The following BMPER variants were observed in gnomAD, a reference collection of about 807,000 sequenced individuals.
BMPER encodes the protein BMP binding endothelial regulator, also known as BMP-binding endothelial regulator protein.
In BMPER, 45 loss-of-function variants were observed where a neutral mutation model predicts 87.3. The observed-to-expected ratio is 0.52, with a 90% CI of 0.41 to 0.66. BMPER has a LOEUF of 0.66. Ranked by LOEUF, BMPER falls within the 30% of genes least tolerant of loss-of-function variation. The probability of loss-of-function intolerance (pLI) is 0.00; values close to 1 mark genes in which losing one functional copy is unlikely to be tolerated. For synonymous variants in BMPER, 326 were observed against 316.2 expected, an observed-to-expected ratio of 1.03 and a Z score of -0.33; for missense variants, 784 against 867.5, an observed-to-expected ratio of 0.90 and a Z score of 1.21.
intron 3 of BMPER, among the ~76,000 whole-genome samples, chr7:33,964,494 C>T (rs529819222): frequency 6.6e-6 from 1 of 152,314 alleles, no homozygotes; most frequent in African/African-American, 2.4e-5. Flanking sequence ...TATTATTGTC[C>T]AATCTTTCTT....
At chr7:34,138,532 A>T (rs1479193327) in intron 13 of BMPER, among the ~76,000 whole-genome samples, 1 of 152,188 alleles carries the variant, frequency 6.6e-6, no homozygotes, top group Non-Finnish European at 1.5e-5. Flanking sequence ...CACACAGAAC[A>T]AGAGTCCTAC....
rs563836750 is a variant in BMPER, at chr7:34,120,420, T to C, written c.1746-22810T>C. 5.7e-4 allele frequency among the ~76,000 whole-genome samples: 86 copies of C among 151,488 alleles called. 2 individuals carry two copies. In the Middle Eastern group the frequency reaches 0.01, roughly 18 times the overall value. ...TTTTTGTTTGTTGTTTTTTTTGAGA[T>C]GGAGTTTTGCTCTCGTTGCCCAGAC... On this transcript the variant is annotated intron_variant, in intron 13 of 14. Coordinates refer to ENST00000649409, the MANE Select transcript of BMPER (RefSeq NM_001365308.1).
intron 13 of BMPER, among the ~76,000 whole-genome samples, chr7:34,092,908 T>C (rs1789427131): frequency 1.3e-5 from 2 of 152,196 alleles, no homozygotes; most frequent in Admixed American, 1.3e-4. Context: ...AAAGAGAAAA[T>C]ATAGAAAACT....
At chr7:34,004,441 G>A (rs1427476) in intron 6 of BMPER, among the ~76,000 whole-genome samples, 1 of 151,964 alleles carries the variant, frequency 6.6e-6, no homozygotes, top group Non-Finnish European at 1.5e-5. Context: ...ATAAACTTCC[G>A]TGTTTTTTTG....
intron 3 of BMPER, among the ~76,000 whole-genome samples, chr7:33,955,703 C>T (rs1016866701): frequency 6.6e-6 from 1 of 152,102 alleles, no homozygotes; most frequent in Non-Finnish European, 1.5e-5. Context: ...ATTTTGTAGA[C>T]ATAGACAAGC....
At chr7:34,100,277 G>A (rs550967559) in intron 13 of BMPER, among the ~76,000 whole-genome samples, 36 of 152,306 alleles carry the variant, frequency 2.4e-4, no homozygotes, top group Admixed American at 8.5e-4. Flanking sequence ...AATTTGTTGT[G>A]TAAGAAGATC....
chr7:34,035,203 C>T (rs1294027421), intron 6 of BMPER, among the ~76,000 whole-genome samples: 1 of 152,136 alleles, frequency 6.6e-6, no homozygotes, highest in African/African-American at 2.4e-5. Flanking sequence ...ATGGAGGCCA[C>T]GGAGTGTTTA....
intron 3 of BMPER, among the ~76,000 whole-genome samples, chr7:33,954,589 C>T (rs1785105490): frequency 6.6e-6 from 1 of 152,176 alleles, no homozygotes; most frequent in Non-Finnish European, 1.5e-5. Context: ...AAGCCAGGTG[C>T]TTGATACTTC....
intron 6 of BMPER, among the ~76,000 whole-genome samples, chr7:33,992,904 T>G (rs1386166298): frequency 4.3e-5 from 6 of 140,196 alleles, no homozygotes; most frequent in African/African-American, 1.1e-4. Context: ...TATGAAATTC[T>G]GGGTTGAAAA....
chr7:33,994,553 A>G (rs1786345063), intron 6 of BMPER, among the ~76,000 whole-genome samples: 1 of 152,194 alleles, frequency 6.6e-6, no homozygotes, highest in South Asian at 2.1e-4. Flanking sequence ...CCGGTGCCTC[A>G]GATGGAAATG....
At position 33,937,307 on chromosome 7, in the gene BMPER, A is replaced by T. The variant is rs759434475; in HGVS notation, c.238A>T (p.Lys80Ter). 1 of 1,614,106 alleles carries T rather than the reference A, an allele frequency of 6.2e-7. No individual in the cohort carries two copies. Among genetic ancestry groups the T allele is most frequent in the Non-Finnish European group, 8.5e-7 (1 of 1,179,972 alleles). The change falls in exon 3 of 15, where the codon AAG becomes TAG. Residue 80 changes from lysine (K) to a stop codon, truncating the protein, a stop_gained. Transcript: ENST00000649409. LOFTEE classifies it high-confidence loss of function. ...TGTCTAGAACAAGGAAGTGACATGT[A>T]AGAGAGAGAAGTGCCCCGTGCTGTC... ...CVCLNKEVTCKREKCPVLSRD... is the reference protein window; with the variant it reads ...CVCLNKEVTC
chr7:34,042,593 C>T (rs780568087), intron 6 of BMPER: 4 of 152,096 alleles, frequency 2.6e-5, no homozygotes, highest in South Asian at 2.1e-4. Flanking sequence ...TAAAACGCAA[C>T]GGTAAGTGGA....
chr7:34,094,434 T>C (rs1585827509), intron 13 of BMPER, among the ~76,000 whole-genome samples: 1 of 152,190 alleles, frequency 6.6e-6, no homozygotes, highest in East Asian at 1.9e-4. Context: ...TGGGGAGCTC[T>C]CCCTTGAAGG....
intron 13 of BMPER, among the ~76,000 whole-genome samples, chr7:34,105,940 AG>A (rs1475990679): frequency 6.6e-6 from 1 of 152,282 alleles, no homozygotes; most frequent in East Asian, 1.9e-4. Context: ...TTAGGCCTTA[AG>A]TGTCCCAGCC....
chr7:34,072,212 G>A (rs1189922650), intron 11 of BMPER, among the ~76,000 whole-genome samples: 3 of 152,176 alleles, frequency 2.0e-5, no homozygotes, highest in Non-Finnish European at 4.4e-5. Flanking sequence ...CATCTGGCGT[G>A]GTACTTGGCA....
At chr7:34,049,702 A>G (rs1243201226) in intron 7 of BMPER, among the ~76,000 whole-genome samples, 1 of 152,200 alleles carries the variant, frequency 6.6e-6, no homozygotes, top group African/African-American at 2.4e-5. Context: ...CACTTACAAA[A>G]TACATGAAGC....
rs1297910211 is a variant in BMPER, at chr7:33,974,797, G to A, written c.576+13G>A. On this transcript the variant is annotated intron_variant, in intron 6 of 14. Coordinates refer to ENST00000649409, the MANE Select transcript of BMPER (RefSeq NM_001365308.1). Reference sequence around the variant, plus strand: ...GTGTTCCTGCACTGTAAGTCCTGCTGTGGATGTTCCCAGGGTGTCCTTTGG... The same window carrying A: ...GTGTTCCTGCACTGTAAGTCCTGCTATGGATGTTCCCAGGGTGTCCTTTGG... 20 of 1,612,836 alleles carry A rather than the reference G, an allele frequency of 1.2e-5. No homozygotes were observed. Among genetic ancestry groups the A allele is most frequent in the Non-Finnish European group, 1.6e-5 (19 of 1,178,960 alleles).
At chr7:34,113,505 T>C (rs1790034690) in intron 13 of BMPER, among the ~76,000 whole-genome samples, 1 of 151,688 alleles carries the variant, frequency 6.6e-6, no homozygotes, top group African/African-American at 2.4e-5. Flanking sequence ...TTAATCTATC[T>C]GGAATTTATT....
At chr7:34,139,172 C>G (rs1260698975) in intron 13 of BMPER, among the ~76,000 whole-genome samples, 3 of 152,164 alleles carry the variant, frequency 2.0e-5, no homozygotes, top group Non-Finnish European at 4.4e-5. Context: ...TCCTTTGTAA[C>G]CAACAGAAGC....
Sources: allele counts gnomAD v4.1 joint callset (sites outside exome capture counted in the v4.1 genomes callset), GRCh38; gene constraint gnomAD v4.1.1; transcripts MANE v1.5; gene names NCBI Gene and HGNC (gene_info 2026-07-23, HGNC 2026-07-21).